NLRP7: variants seen among roughly 807,000 people sequenced by gnomAD.
The protein encoded by NLRP7 is NLR family pyrin domain containing 7, also known as NACHT, LRR and PYD domains-containing protein 7.
Under a neutral mutation model 85.5 loss-of-function variants are expected in NLRP7, and 72 were observed. The observed-to-expected ratio is 0.84, with a 90% CI of 0.70 to 1.02. The LOEUF is 1.02. NLRP7 is among the 50% of genes least tolerant of loss of function. The probability of loss-of-function intolerance (pLI) is 0.00; values close to 1 mark genes in which losing one functional copy is unlikely to be tolerated. For synonymous variants in NLRP7, 550 were observed against 505.2 expected (o/e 1.09, Z -1.19); for missense variants, 1,243 against 1,219.5 (o/e 1.02, Z -0.29).
chr19:54,933,960 T>C (rs2068781956), intron 7 of NLRP7, among the ~76,000 whole-genome samples: 1 of 152,174 alleles, frequency 6.6e-6, no homozygotes, highest in Non-Finnish European at 1.5e-5. Flanking sequence ...GTGTTGTTTT[T>C]GAGACGGAGT....
chr19:54,935,228 G>GA (rs1556727762), intron 6 of NLRP7, among the ~76,000 whole-genome samples: 6 of 19,576 alleles, frequency 3.1e-4, no homozygotes, highest in Non-Finnish European at 2.0e-3. Flanking sequence ...TTGCAGGGGG[G>GA]AAAAAAAAAT....
At chr19:54,943,418 G>A (rs896187786) in intron 1 of NLRP7, among the ~76,000 whole-genome samples, 15 of 152,010 alleles carry the variant, frequency 9.9e-5, no homozygotes, top group Non-Finnish European at 1.9e-4. Context: ...TGGCTAACAC[G>A]GTGAAACCCC....
exon 9 of NLRP7, chr19:54,930,622 G>A (rs1404633320): frequency 6.2e-7 from 1 of 1,612,614 alleles, no homozygotes; most frequent in Non-Finnish European, 8.5e-7. Flanking sequence ...GAGCGCCTCT[G>A]AGAGATATCT....
At chr19:54,962,865 C>G (rs2070107592) in intron 1 of NLRP7, among the ~76,000 whole-genome samples, 1 of 152,002 alleles carries the variant, frequency 6.6e-6, no homozygotes, top group African/African-American at 2.4e-5. Flanking sequence ...TCCCAAAGTG[C>G]TGGGATTACA....
intron 1 of NLRP7, among the ~76,000 whole-genome samples, 160 bp from the exon 2 acceptor site, chr19:54,941,910 T>C (rs1285549198): frequency 6.6e-6 from 1 of 152,184 alleles, no homozygotes; most frequent in Non-Finnish European, 1.5e-5. Context: ...GCACGGTGGC[T>C]CACGCCTGCG....
intron 4 of NLRP7, among the ~76,000 whole-genome samples, 169 bp downstream of exon 4, chr19:54,938,719 C>T (rs2069055814): frequency 1.3e-5 from 2 of 152,208 alleles, no homozygotes; most frequent in African/African-American, 4.8e-5. Context: ...GAGCGAGACT[C>T]CGTCTCAAAA....
chr19:54,955,388 G>A (rs1298061261), intron 1 of NLRP7, among the ~76,000 whole-genome samples: 3 of 152,140 alleles, frequency 2.0e-5, no homozygotes, highest in Admixed American at 6.6e-5. Context: ...GCAGCCTTGG[G>A]CCAGGCATGG....
chr19:54,959,263 C>T (rs1026556963), intron 1 of NLRP7, among the ~76,000 whole-genome samples: 1 of 150,644 alleles, frequency 6.6e-6, no homozygotes, highest in Non-Finnish European at 1.5e-5. Flanking sequence ...CTCATCCTTC[C>T]GAGTAGCTGG....
intron 5 of NLRP7, 103 bp downstream of exon 5, chr19:54,937,941 A>T: frequency 2.3e-6 from 2 of 860,108 alleles, no homozygotes; most frequent in South Asian, 2.8e-5. Flanking sequence ...AAAATCCCCA[A>T]ATACATGGAG....
chr19:54,934,530 G>C lies in NLRP7; in HGVS notation c.2430C>G (p.Tyr810Ter). Residue 810 changes from tyrosine (Y) to a stop codon, truncating the protein, a stop_gained, in exon 7 of 10, where the codon TAC becomes TAG. Transcript: ENST00000340844. LOFTEE classifies it high-confidence loss of function. The surrounding 1 kb of genome is among the most constrained non-coding windows in gnomAD (Gnocchi z 6.7). The stretch of plus-strand genomic sequence containing the variant: ...AGTGTTTTGGGCGTGTCATGGTCTT[G>C]TACAGCAACATGGCACCCTCATCCA... 2 of 1,614,170 alleles carry C rather than the reference G, an allele frequency of 1.2e-6. No individual in the cohort carries two copies. Among genetic ancestry groups the C allele is most frequent in the Non-Finnish European group, 1.7e-6 (2 of 1,180,022 alleles).
chr19:54,934,044 C>A lies in NLRP7; in HGVS notation c.2472-305G>T, dbSNP rs2068788386. On this transcript the variant is annotated intron_variant, in intron 7 of 9. Coordinates refer to ENST00000340844, the Ensembl canonical transcript of NLRP7. This position sits in a 1 kb window ranked among gnomAD's most constrained non-coding sequence, Gnocchi z 6.7. ...TGCCAATCGCCGCCTCCCAGGTTTA[C>A]ACCATTCTGCTGACTCAGCCTCCTG... is the stretch of plus-strand genomic sequence containing the variant. 6.6e-6 allele frequency among the ~76,000 whole-genome samples: 1 copy of A among 152,148 alleles called. No individual in the cohort carries two copies. The highest frequency in any genetic ancestry group is 2.4e-5 in the African/African-American group (1 of 41,452).
intron 9 of NLRP7, among the ~76,000 whole-genome samples, chr19:54,924,227 C>G (rs1263854762): frequency 6.6e-6 from 1 of 152,110 alleles, no homozygotes; most frequent in Non-Finnish European, 1.5e-5. Flanking sequence ...CTCGGCCTCC[C>G]AAAGCCATGG....
At chr19:54,961,337 C>T (rs1376579828) in intron 1 of NLRP7, among the ~76,000 whole-genome samples, 1 of 151,722 alleles carries the variant, frequency 6.6e-6, no homozygotes, top group Admixed American at 6.6e-5. Context: ...GTGGTGAAAC[C>T]CCGTGTCTAC....
rs760086368 is a variant in NLRP7 at position 54,959,563 on chromosome 19, A to C, written c.-77+6477T>G. Among the ~76,000 whole-genome samples, 53 of 151,682 alleles carry C rather than the reference A, an allele frequency of 3.5e-4. 1 individual carries two copies. The highest frequency in any genetic ancestry group is 9.2e-4 in the Admixed American group (14 of 15,160). ...GGTGGATCACAAGGTCAGAGTGGAT[A>C]GCACTTTAGGAGGTTGAGGTGGGAG... is the stretch of plus-strand genomic sequence containing the variant. On this transcript the variant is annotated intron_variant, in intron 1 of 2. Coordinates refer to the NLRP7 transcript ENST00000587103.
At chr19:54,940,437 C>T in exon 4 of NLRP7, 1 of 1,613,974 alleles carries the variant, frequency 6.2e-7, no homozygotes, top group South Asian at 1.1e-5. Flanking sequence ...GACTGTTTCT[C>T]CATTGAATTT....
upstream of NLRP7, among the ~76,000 whole-genome samples, chr19:54,951,676 C>T (rs892649884): frequency 3.3e-5 from 5 of 152,046 alleles, no homozygotes; most frequent in African/African-American, 9.7e-5. Context: ...CTGTGTATCA[C>T]GTGGCTCTAG....
At chr19:54,947,322 G>A (rs1297100765) in intron 1 of NLRP7, 147 bp downstream of exon 1, 11 of 514,470 alleles carry the variant, frequency 2.1e-5, no homozygotes, top group Non-Finnish European at 3.5e-5. Flanking sequence ...GGGAGACTCC[G>A]TCTCAAAAAA....
Position 54,934,076 on chromosome 19 carries a change from T to C in NLRP7, c.2472-337A>G, listed in dbSNP as rs574602244. On this transcript the variant is annotated intron_variant, in intron 7 of 9. Transcript: ENST00000340844. This position sits in a 1 kb window ranked among gnomAD's most constrained non-coding sequence, Gnocchi z 6.7. The stretch of plus-strand genomic sequence containing the variant: ...CTGCTGACTCAGCCTCCTGAGTAGC[T>C]GGGACTACAGGCGCCCACCACACCT... Among the ~76,000 whole-genome samples the C allele has an allele frequency of 6.6e-6, 1 of 152,290 alleles. No individual in the cohort carries two copies. Among genetic ancestry groups the C allele is most frequent in the African/African-American group, 2.4e-5 (1 of 41,570 alleles).
chr19:54,954,403 G>A (rs1000936732), intron 1 of NLRP7, among the ~76,000 whole-genome samples: 3 of 144,994 alleles, frequency 2.1e-5, no homozygotes, highest in East Asian at 2.0e-4. Context: ...GGTGGCGGGC[G>A]CCTGTAGTCC....
Sources: allele counts gnomAD v4.1 joint callset (sites outside exome capture counted in the v4.1 genomes callset), GRCh38; gene constraint gnomAD v4.1.1; non-coding constraint Gnocchi (gnomAD v3.1); transcripts MANE v1.5; gene names NCBI Gene and HGNC (gene_info 2026-07-23, HGNC 2026-07-21).